UVRAG: variants seen among roughly 807,000 people sequenced by gnomAD.
The protein encoded by UVRAG is UV radiation resistance-associated gene protein.
Under a neutral mutation model 78.0 loss-of-function variants are expected in UVRAG, and 19 were observed. The ratio of observed to expected loss-of-function variants is 0.24; its 90% CI spans 0.17 to 0.36. The LOEUF is 0.36. Among genes scored for constraint, UVRAG ranks in the 10% least tolerant of loss-of-function variants. UVRAG has a pLI of 1.00. For missense variants in UVRAG, 740 were observed against 853.8 expected (o/e 0.87, Z 1.66); for synonymous variants, 323 against 324.6 (o/e 1.00, Z 0.05).
chr11:75,955,441 A>G (rs1046559393), intron 6 of UVRAG, among the ~76,000 whole-genome samples: 2 of 152,214 alleles, frequency 1.3e-5, no homozygotes, highest in Non-Finnish European at 2.9e-5. Flanking sequence ...TGGCAGAGGT[A>G]GTGATATCAT....
rs1376450328 is a variant in UVRAG, at chr11:76,143,493, G to A, written c.*2080G>A. Among the ~76,000 whole-genome samples the A allele has an allele frequency of 3.9e-5, 6 of 152,214 alleles. No individual in the cohort carries two copies. The highest frequency in any genetic ancestry group is 6.5e-5 in the Admixed American group (1 of 15,278). ...GGCTTGTGGCTTTTCACCGCACGGC[G>A]GGGAGCCCTGCTCTTGAATGTCATC... On this transcript the variant is annotated 3_prime_UTR_variant, in exon 15 of 15. Transcript: ENST00000356136.
chr11:75,902,854 T>C (rs567982772), intron 5 of UVRAG, among the ~76,000 whole-genome samples: 1 of 152,320 alleles, frequency 6.6e-6, no homozygotes, highest in African/African-American at 2.4e-5. Context: ...CTATAGACTC[T>C]AGTCTCTTTG....
chr11:75,880,064 A>C, intron 4 of UVRAG, 24 bp downstream of exon 4: 1 of 1,611,314 alleles, frequency 6.2e-7, no homozygotes, highest in East Asian at 2.2e-5. Flanking sequence ...TGTAGTTTCA[A>C]GTAGTTGTCA....
intron 5 of UVRAG, among the ~76,000 whole-genome samples, chr11:75,910,599 G>C (rs1947714404): frequency 6.9e-6 from 1 of 145,242 alleles, no homozygotes; most frequent in Non-Finnish European, 1.5e-5. Context: ...GCAGTGGTGT[G>C]ACCGCCAGAT....
chr11:75,997,404 G>C (rs1347838096), intron 8 of UVRAG, among the ~76,000 whole-genome samples: 1 of 152,222 alleles, frequency 6.6e-6, no homozygotes, highest in East Asian at 1.9e-4. Context: ...TTGACATTTT[G>C]CTGTTAAAAT....
intron 13 of UVRAG, among the ~76,000 whole-genome samples, chr11:76,066,673 C>T (rs1429423303): frequency 2.0e-5 from 3 of 152,048 alleles, no homozygotes; most frequent in South Asian, 2.1e-4. Context: ...GGGGTTTCAC[C>T]GTGTTAGGCA....
Position 75,989,822 on chromosome 11 carries a change from C to T in UVRAG, c.826+6309C>T, listed in dbSNP as rs138767200. ...GCCCTTTCAGGGCAGGGACTTTGCACTTTTATGGTATCCTTCTCAGTGCCC... is the reference window on the plus strand; with the variant it reads ...GCCCTTTCAGGGCAGGGACTTTGCATTTTTATGGTATCCTTCTCAGTGCCC... On this transcript the variant is annotated intron_variant, in intron 8 of 14. Transcript: ENST00000356136. Among the ~76,000 whole-genome samples, 1,319 of 152,354 alleles carry T rather than the reference C, an allele frequency of 8.7e-3. 24 individuals carry two copies. The highest frequency in any genetic ancestry group is 0.03 in the African/African-American group (1,256 of 41,578).
At chr11:76,065,852 G>C (rs1197169439) in intron 13 of UVRAG, 64 bp downstream of exon 13, 5 of 1,503,300 alleles carry the variant, frequency 3.3e-6, no homozygotes, top group Non-Finnish European at 4.6e-6. Context: ...TAGATTGCCA[G>C]CCTTTTTTCT....
chr11:75,874,009 A>G (rs978853912), intron 3 of UVRAG, among the ~76,000 whole-genome samples: 6 of 152,174 alleles, frequency 3.9e-5, no homozygotes, highest in Non-Finnish European at 7.3e-5. Context: ...GTAGTGGTCT[A>G]GGCTTTGCTA....
At chr11:75,854,012 A>T (rs1165813660) in intron 2 of UVRAG, among the ~76,000 whole-genome samples, 1 of 151,110 alleles carries the variant, frequency 6.6e-6, no homozygotes, top group East Asian at 2.0e-4. Context: ...ACCTCAGGTG[A>T]TCCCACACCT....
In UVRAG at chr11:76,111,907, T is replaced by TAAA. The variant is rs111492918; in HGVS notation, c.1306-4009_1306-4007dup. Among the ~76,000 whole-genome samples, 90 of 119,320 alleles carry TAAA rather than the reference T, an allele frequency of 7.5e-4. 1 individual carries two copies. The highest frequency in any genetic ancestry group is 2.7e-3 in the African/African-American group (88 of 32,542). The allele number at this position is 119,320 out of a possible 152,430, so 78.3% of individuals were successfully genotyped here. ...GACATTAGAGGAAAGCCTCTAATAT[T>TAAA]AAAAAAAAAAGTCTAAAATAAAGTG... On this transcript the variant is annotated intron_variant, in intron 13 of 14. Coordinates refer to ENST00000356136, the MANE Select transcript of UVRAG (RefSeq NM_003369.4).
chr11:76,040,429 C>T (rs1232663874), intron 12 of UVRAG, among the ~76,000 whole-genome samples: 1 of 148,446 alleles, frequency 6.7e-6, no homozygotes. Context: ...GCCGAGATCA[C>T]ACCACTGCAC....
chr11:75,905,618 A>T lies in UVRAG; in HGVS notation c.508-6336A>T, dbSNP rs544637959. Among the ~76,000 whole-genome samples the T allele has an allele frequency of 1.6e-4, 24 of 152,322 alleles. No homozygotes were observed. The South Asian group carries it at 4.3e-3, about 28-fold the overall frequency. ...TGCATCTACATGTAGGAAGGAATGT[A>T]CTTCATTCCTTTTTAGGGCTGAGTA... On this transcript the variant is annotated intron_variant, in intron 5 of 14. Transcript: ENST00000356136.
chr11:75,943,561 C>A (rs1294161871), intron 6 of UVRAG, among the ~76,000 whole-genome samples: 1 of 152,018 alleles, frequency 6.6e-6, no homozygotes, highest in Non-Finnish European at 1.5e-5. Context: ...TTCTTCTTGC[C>A]TGAAATGAGT....
chr11:75,828,757 A>G (rs1465231814), intron 1 of UVRAG, among the ~76,000 whole-genome samples: 1,395 of 90,826 alleles, frequency 0.015, 27 homozygotes, highest in African/African-American at 0.068. Context: ...ACACACACAT[A>G]TATATATATA....
At chr11:75,817,431 G>T (rs1945283148) in intron 1 of UVRAG, among the ~76,000 whole-genome samples, 1 of 152,146 alleles carries the variant, frequency 6.6e-6, no homozygotes, top group South Asian at 2.1e-4. Flanking sequence ...GAAATTTTTG[G>T]ATTGGTGCCG....
At chr11:76,075,701 A>G (rs1746238528) in intron 13 of UVRAG, among the ~76,000 whole-genome samples, 1 of 152,002 alleles carries the variant, frequency 6.6e-6, no homozygotes, top group Admixed American at 6.6e-5. Flanking sequence ...GAACATTTTC[A>G]TTGCCCCCAA....
At chr11:75,825,198 T>C (rs906630763) in intron 1 of UVRAG, among the ~76,000 whole-genome samples, 3 of 151,840 alleles carry the variant, frequency 2.0e-5, no homozygotes, top group Admixed American at 2.0e-4. Context: ...AACCTCTGCC[T>C]CCCAGGTTCA....
chr11:76,140,120 T>C (rs866401061), intron 14 of UVRAG, among the ~76,000 whole-genome samples: 1 of 55,608 alleles, frequency 1.8e-5, no homozygotes, highest in African/African-American at 9.9e-5. Context: ...TCCCTCTCTC[T>C]CTCTCTCTCT....
Sources: allele counts gnomAD v4.1 joint callset (sites outside exome capture counted in the v4.1 genomes callset), GRCh38; gene constraint gnomAD v4.1.1; transcripts MANE v1.5; gene names NCBI Gene and HGNC (gene_info 2026-07-23, HGNC 2026-07-21).